Variants in RAB3GAP1 observed in about 807,000 individuals in gnomAD.
The protein encoded by RAB3GAP1 is rab3 GTPase-activating protein catalytic subunit.
Under a neutral mutation model 130.7 loss-of-function variants are expected in RAB3GAP1, and 86 were observed. That is an observed-to-expected ratio of 0.66 (90% confidence interval 0.55 to 0.79). The LOEUF is 0.79. RAB3GAP1 is among the 30% of genes least tolerant of loss of function. The probability of loss-of-function intolerance (pLI) is 0.00; values close to 1 mark genes in which losing one functional copy is unlikely to be tolerated. For missense variants in RAB3GAP1, 1,029 were observed against 1,169.4 expected, an observed-to-expected ratio of 0.88 and a Z score of 1.75; for synonymous variants, 367 against 401.7, an observed-to-expected ratio of 0.91 and a Z score of 1.03.
chr2:135,162,316 CTTAT>C (rs969056236), intron 19 of RAB3GAP1: 8 of 465,268 alleles, frequency 1.7e-5, no homozygotes, highest in African/African-American at 1.2e-4. Flanking sequence ...TTGTATTTTC[CTTAT>C]TTGTGTGTAT....
At chr2:135,092,662 T>C (rs1244010993) in intron 4 of RAB3GAP1, among the ~76,000 whole-genome samples, 1 of 152,192 alleles carries the variant, frequency 6.6e-6, no homozygotes, top group Non-Finnish European at 1.5e-5. Flanking sequence ...GGTCTTGAAC[T>C]CCTGACCTCA....
At chr2:135,087,423 C>T (rs1690018338) in intron 3 of RAB3GAP1, among the ~76,000 whole-genome samples, 1 of 152,100 alleles carries the variant, frequency 6.6e-6, no homozygotes, top group Non-Finnish European at 1.5e-5. Flanking sequence ...CTACAAAATG[C>T]CTGTTGCTGA....
intron 5 of RAB3GAP1, among the ~76,000 whole-genome samples, chr2:135,095,122 C>T (rs544957492): frequency 3.3e-5 from 5 of 152,210 alleles, no homozygotes; most frequent in South Asian, 2.1e-4. Context: ...GATCTCGGCT[C>T]ACTGCAACCT....
chr2:135,103,003 T>C (rs1261512105), intron 5 of RAB3GAP1, among the ~76,000 whole-genome samples: 1 of 98,228 alleles, frequency 1.0e-5, no homozygotes, highest in African/African-American at 6.5e-5. Flanking sequence ...CGAGACTCCG[T>C]CTGAAAAAAA....
At chr2:135,119,551 G>A (rs2104926235) in intron 7 of RAB3GAP1, among the ~76,000 whole-genome samples, 1 of 152,250 alleles carries the variant, frequency 6.6e-6, no homozygotes. Flanking sequence ...ATCTGGACAT[G>A]ACTAAAAAGT....
At chr2:135,123,711 C>T (rs1489867432) in intron 8 of RAB3GAP1, among the ~76,000 whole-genome samples, 1 of 151,910 alleles carries the variant, frequency 6.6e-6, no homozygotes, top group Non-Finnish European at 1.5e-5. Context: ...TACTATCAAC[C>T]AAAATATAAT....
chr2:135,160,426 C>CT (rs1692433470), intron 19 of RAB3GAP1, among the ~76,000 whole-genome samples: 1 of 151,948 alleles, frequency 6.6e-6, no homozygotes, highest in Non-Finnish European at 1.5e-5. Context: ...AATCTCAGCA[C>CT]TTTGGGAGGT....
chr2:135,117,744 T>TCTTCTG (rs1330109767), intron 7 of RAB3GAP1, among the ~76,000 whole-genome samples: 2 of 141,304 alleles, frequency 1.4e-5, no homozygotes, highest in Non-Finnish European at 3.1e-5. Context: ...TTCTGCTTCT[T>TCTTCTG]CTTCTGCTTC....
At position 135,074,507 on chromosome 2, in the gene RAB3GAP1, G is replaced by A. The variant is rs997485693; in HGVS notation, c.150+16421G>A. On this transcript the variant is annotated intron_variant, in intron 3 of 23. Coordinates refer to ENST00000264158, the MANE Select transcript of RAB3GAP1 (RefSeq NM_012233.3). ...AAACTTTGAACTCTTACCCGATTGG[G>A]TGGCGGGTCAGACATCTTTTTACTG... Among the ~76,000 whole-genome samples, 18 of 152,226 alleles carry A rather than the reference G, an allele frequency of 1.2e-4. 1 individual carries two copies. Among genetic ancestry groups the A allele is most frequent in the Admixed American group, 6.5e-5 (1 of 15,288 alleles).
At chr2:135,159,804 A>T (rs891020462) in intron 19 of RAB3GAP1, among the ~76,000 whole-genome samples, 46 of 152,262 alleles carry the variant, frequency 3.0e-4, no homozygotes, top group African/African-American at 1.0e-3. Context: ...ATTCAGCCAT[A>T]AAAAGGAATG....
chr2:135,136,536 GT>G (rs1165215052), intron 17 of RAB3GAP1: 1 of 195,394 alleles, frequency 5.1e-6, no homozygotes, highest in Non-Finnish European at 1.0e-5. Flanking sequence ...ATTGAGAAAT[GT>G]TTTGAAGTTT....
rs778655079 is a variant in RAB3GAP1 at position 135,113,169 on chromosome 2, C to T, written c.381C>T (p.Phe127=). 1.5e-5 allele frequency: 25 copies of T among 1,613,940 alleles called. No individual in the cohort carries two copies. Among genetic ancestry groups the T allele is most frequent in the Middle Eastern group, 3.3e-4 (2 of 6,084 alleles). Residue 127 remains phenylalanine (F), a synonymous_variant, in exon 6 of 24, where the codon TTC becomes TTT. Coordinates refer to ENST00000264158, the MANE Select transcript of RAB3GAP1 (RefSeq NM_012233.3). ...CLVRWYGLRE[F]VVIAPAAHSD... is the part of the protein sequence containing the mutation. The stretch of plus-strand genomic sequence containing the variant: ...TTTTAAGGTATGGGCTACGTGAGTT[C>T]GTGGTGATTGCCCCTGCTGCACACA...
In RAB3GAP1 at chr2:135,106,155, C is replaced by T. The variant is rs565534858; in HGVS notation, c.363-6996C>T. On this transcript the variant is annotated intron_variant, in intron 5 of 23. Coordinates refer to ENST00000264158, the MANE Select transcript of RAB3GAP1 (RefSeq NM_012233.3). ...CCAGGAGGTGGGGGGTGCCTCCGTCCGGCCGCCGCCCCGTCCGGGAGGTGG... is the reference window on the plus strand; with the variant it reads ...CCAGGAGGTGGGGGGTGCCTCCGTCTGGCCGCCGCCCCGTCCGGGAGGTGG... Among the ~76,000 whole-genome samples, 5 of 151,148 alleles carry T rather than the reference C, an allele frequency of 3.3e-5. No individual in the cohort carries two copies. The South Asian group carries it at 6.3e-4, about 19-fold the overall frequency.
At chr2:135,107,967 C>G (rs1690677477) in intron 5 of RAB3GAP1, among the ~76,000 whole-genome samples, 1 of 93,158 alleles carries the variant, frequency 1.1e-5, no homozygotes, top group South Asian at 4.3e-4. Context: ...AAGAGTGAAA[C>G]TCCATCTCAA....
chr2:135,063,614 G>A lies in RAB3GAP1; in HGVS notation c.150+5528G>A, dbSNP rs973099855. 9.2e-5 allele frequency among the ~76,000 whole-genome samples: 14 copies of A among 152,078 alleles called. 1 individual carries two copies. The highest frequency in any genetic ancestry group is 2.9e-5 in the Non-Finnish European group (2 of 67,994). On this transcript the variant is annotated intron_variant, in intron 3 of 23. Transcript: ENST00000264158. ...TCTGGCTTATTTCACATAGCATAATGTCTTCAAGGTTCATCCAGGGTTATA... is the reference window on the plus strand; with the variant it reads ...TCTGGCTTATTTCACATAGCATAATATCTTCAAGGTTCATCCAGGGTTATA...
intron 17 of RAB3GAP1, among the ~76,000 whole-genome samples, chr2:135,140,054 T>A (rs993917330): frequency 1.3e-5 from 2 of 152,140 alleles, no homozygotes; most frequent in Non-Finnish European, 2.9e-5. Flanking sequence ...ATTTTGAGAG[T>A]CATCCTTGTT....
Position 135,115,303 on chromosome 2 carries a change from C to T in RAB3GAP1, c.570C>T (p.Phe190=), listed in dbSNP as rs1389306108. 12 of 1,613,452 alleles carry T rather than the reference C, an allele frequency of 7.4e-6. No individual in the cohort carries two copies. The highest frequency in any genetic ancestry group is 4.4e-5 in the South Asian group (4 of 91,060). Residue 190 remains phenylalanine, a synonymous_variant, in exon 7 of 24, where the codon TTC becomes TTT. Transcript: ENST00000264158. ...AAGGTCCTGGTGTACGAACTGATTT[C>T]GAAATGGTTCATCTTAGAAAAGTGC... The part of the protein sequence containing the change: ...ECQGPGVRTD[F]EMVHLRKVPN...
rs796299757 is a variant in RAB3GAP1, at chr2:135,117,786, G to T, written c.648+2405G>T. Reference sequence around the variant, plus strand: ...TTCTGCTGCTTCTTCTGCTTCTTCTGCTTCTTCTTCTTCTTCTTCTTCTTT... The same window carrying T: ...TTCTGCTGCTTCTTCTGCTTCTTCTTCTTCTTCTTCTTCTTCTTCTTCTTT... On this transcript the variant is annotated intron_variant, in intron 7 of 23. Transcript: ENST00000264158. Among the ~76,000 whole-genome samples the T allele has an allele frequency of 8.0e-3, 957 of 119,138 alleles. 8 individuals are homozygous for T. The highest frequency in any genetic ancestry group is 0.026 in the African/African-American group (770 of 29,348). 78.2% of individuals were successfully genotyped at this position (119,138 alleles called of 152,430 possible). A position where few individuals can be genotyped will look rare whatever the true frequency, so the allele number is the denominator to read the frequency against.
chr2:135,071,382 G>A (rs2104842223), intron 3 of RAB3GAP1, among the ~76,000 whole-genome samples: 1 of 152,204 alleles, frequency 6.6e-6, no homozygotes, highest in Middle Eastern at 3.4e-3. Context: ...ATTACTTGAT[G>A]TTACAAAAAT....
Sources: gnomAD v4.1 joint callset for allele counts (sites outside exome capture counted in the v4.1 genomes callset) on GRCh38, gnomAD v4.1.1 for gene constraint, MANE v1.5 for transcripts, NCBI Gene and HGNC (gene_info 2026-07-23, HGNC 2026-07-21) for gene names.